The following CDH13 variants were observed in gnomAD, a reference collection of about 807,000 sequenced individuals.
CDH13 encodes the protein cadherin-13.
A neutral mutation model predicts 63.8 loss-of-function variants in CDH13; 24 were observed. The ratio of observed to expected loss-of-function variants is 0.38; its 90% CI spans 0.27 to 0.53. The LOEUF is 0.53. Among genes scored for constraint, CDH13 ranks in the 20% least tolerant of loss-of-function variants. The pLI, the probability that CDH13 is intolerant of heterozygous loss-of-function variation, is 0.85. For synonymous variants in CDH13, 503 were observed against 355.3 expected, an observed-to-expected ratio of 1.42 and a Z score of -4.67; for missense variants, 1,049 against 903.1, an observed-to-expected ratio of 1.16 and a Z score of -2.07.
At chr16:83,152,172 G>A (rs2037010827) in intron 4 of CDH13, among the ~76,000 whole-genome samples, 1 of 152,094 alleles carries the variant, frequency 6.6e-6, no homozygotes, top group Non-Finnish European at 1.5e-5. Flanking sequence ...CAAAACTGTG[G>A]GAAATTCTTG....
At chr16:83,468,715 C>G (rs1159023816) in intron 6 of CDH13, among the ~76,000 whole-genome samples, 1 of 152,146 alleles carries the variant, frequency 6.6e-6, no homozygotes, top group Non-Finnish European at 1.5e-5. Context: ...CTTCTTTGTT[C>G]TTGATGAAGT....
chr16:83,592,604 G>T (rs1906864553), intron 7 of CDH13, among the ~76,000 whole-genome samples: 1 of 152,062 alleles, frequency 6.6e-6, no homozygotes, highest in Non-Finnish European at 1.5e-5. Context: ...TGATTTTGGT[G>T]TCCCTCAACC....
intron 1 of CDH13, among the ~76,000 whole-genome samples, chr16:82,831,605 C>G (rs758106146): frequency 5.3e-5 from 8 of 152,146 alleles, no homozygotes; most frequent in South Asian, 4.2e-4. Context: ...CGAAGAGAAC[C>G]AACAACCAAA....
At chr16:82,817,110 C>G (rs555923382) in intron 1 of CDH13, among the ~76,000 whole-genome samples, 39 of 152,096 alleles carry the variant, frequency 2.6e-4, no homozygotes, top group Admixed American at 3.9e-4. Flanking sequence ...CACAGAGAAC[C>G]CTGAAGTCCC....
At chr16:83,477,373 T>C (rs1009373061) in intron 6 of CDH13, among the ~76,000 whole-genome samples, 9 of 152,188 alleles carry the variant, frequency 5.9e-5, no homozygotes, top group Non-Finnish European at 1.2e-4. Flanking sequence ...TTCAAGCCTG[T>C]GGTAATTTCA....
At chr16:82,944,922 T>A (rs1430317945) in intron 2 of CDH13, among the ~76,000 whole-genome samples, 2 of 152,028 alleles carry the variant, frequency 1.3e-5, no homozygotes, top group Non-Finnish European at 2.9e-5. Flanking sequence ...AGAGAAATTT[T>A]AAAAAAATAC....
intron 1 of CDH13, among the ~76,000 whole-genome samples, chr16:82,751,693 G>T (rs2034421534): frequency 7.7e-6 from 1 of 129,298 alleles, no homozygotes; most frequent in Admixed American, 8.3e-5. Context: ...GAAAGACCAT[G>T]GAAAACAGGT....
chr16:82,808,877 A>G (rs1437067666), intron 1 of CDH13, among the ~76,000 whole-genome samples: 1 of 152,146 alleles, frequency 6.6e-6, no homozygotes, highest in Non-Finnish European at 1.5e-5. Flanking sequence ...ATTGTTTTTC[A>G]TGATTACAAG....
At chr16:83,407,464 A>G (rs1473238977) in intron 6 of CDH13, among the ~76,000 whole-genome samples, 1 of 152,208 alleles carries the variant, frequency 6.6e-6, no homozygotes. Context: ...TCTGTGAAAA[A>G]GCTCAGCCTG....
At chr16:83,719,768 C>G (rs1909437598) in intron 10 of CDH13, among the ~76,000 whole-genome samples, 1 of 152,146 alleles carries the variant, frequency 6.6e-6, no homozygotes, top group South Asian at 2.1e-4. Context: ...CCTTAAGCCC[C>G]TGAGTACCAA....
At chr16:83,599,378 C>T (rs528783236) in intron 7 of CDH13, among the ~76,000 whole-genome samples, 6 of 152,288 alleles carry the variant, frequency 3.9e-5, no homozygotes, top group African/African-American at 1.2e-4. Flanking sequence ...TAAACATTCT[C>T]GTAGGACTGG....
chr16:83,073,819 G>A (rs1362999075), intron 3 of CDH13, among the ~76,000 whole-genome samples: 1 of 151,930 alleles, frequency 6.6e-6, no homozygotes, highest in Non-Finnish European at 1.5e-5. Flanking sequence ...GTACAGCATA[G>A]CAATTGTCTA....
At chr16:83,541,839 T>C (rs775048843) in intron 7 of CDH13, among the ~76,000 whole-genome samples, 1 of 152,224 alleles carries the variant, frequency 6.6e-6, no homozygotes. Context: ...TCTTCTCCTA[T>C]GAGAATGTAT....
chr16:83,532,899 G>A (rs944503938), intron 7 of CDH13, among the ~76,000 whole-genome samples: 5 of 152,188 alleles, frequency 3.3e-5, no homozygotes, highest in South Asian at 4.1e-4. Context: ...GAGAGCCAGC[G>A]GCCTCCCCTG....
At chr16:83,537,170 G>A (rs1448491813) in intron 7 of CDH13, among the ~76,000 whole-genome samples, 1 of 152,184 alleles carries the variant, frequency 6.6e-6, no homozygotes, top group African/African-American at 2.4e-5. Flanking sequence ...CATTTGATAT[G>A]TCTCAAAGGC....
chr16:82,678,883 C>A (rs1452975130), intron 1 of CDH13, among the ~76,000 whole-genome samples: 1 of 152,126 alleles, frequency 6.6e-6, no homozygotes, highest in East Asian at 1.9e-4. Context: ...CATAGCCTGC[C>A]CTCAGCCTAG....
intron 6 of CDH13, among the ~76,000 whole-genome samples, chr16:83,402,113 C>G (rs911537956): frequency 2.0e-5 from 3 of 152,152 alleles, no homozygotes; most frequent in African/African-American, 7.2e-5. Flanking sequence ...GATTTTGTAT[C>G]CAGGAGGTTA....
At chr16:82,901,293 A>G (rs1224476342) in intron 2 of CDH13, among the ~76,000 whole-genome samples, 1 of 151,384 alleles carries the variant, frequency 6.6e-6, no homozygotes, top group Non-Finnish European at 1.5e-5. Context: ...TACCTGATTA[A>G]TAAAATCTTA....
intron 1 of CDH13, among the ~76,000 whole-genome samples, chr16:82,741,178 C>G (rs1345050201): frequency 2.6e-5 from 4 of 152,274 alleles, no homozygotes; most frequent in East Asian, 1.9e-4. Context: ...TCAGTGAATC[C>G]CTGTTGCCAT....
Sources: gnomAD v4.1 joint callset for allele counts (sites outside exome capture counted in the v4.1 genomes callset) on GRCh38, gnomAD v4.1.1 for gene constraint, MANE v1.5 for transcripts, NCBI Gene and HGNC (gene_info 2026-07-23, HGNC 2026-07-21) for gene names.